Variants in ASIC2 observed in about 807,000 individuals in gnomAD.
The protein encoded by ASIC2 is acid sensing ion channel subunit 2, also known as acid-sensing ion channel 2.
ASIC2 carries 25 observed loss-of-function variants against 57.3 expected under a neutral mutation model. The ratio of observed to expected loss-of-function variants is 0.44; its 90% CI spans 0.32 to 0.61. The LOEUF is 0.61. Among genes scored for constraint, ASIC2 ranks in the 20% least tolerant of loss-of-function variants. The pLI is 0.06. For missense variants in ASIC2, 641 were observed against 738.1 expected (o/e 0.87, Z 1.52); for synonymous variants, 319 against 307.5 (o/e 1.04, Z -0.39).
chr17:33,575,025 G>T (rs1294926883), intron 1 of ASIC2, among the ~76,000 whole-genome samples: 3 of 152,120 alleles, frequency 2.0e-5, no homozygotes, highest in African/African-American at 7.2e-5. Flanking sequence ...CACCAGGAGT[G>T]GGGAGGTCTG....
chr17:34,066,281 G>A (rs1182412743), intron 1 of ASIC2, among the ~76,000 whole-genome samples: 3 of 152,318 alleles, frequency 2.0e-5, no homozygotes, highest in Non-Finnish European at 4.4e-5. Flanking sequence ...GGTTAATTAA[G>A]TCGTTCATCT....
chr17:33,867,638 G>T (rs1214555691), intron 1 of ASIC2, among the ~76,000 whole-genome samples: 1 of 152,200 alleles, frequency 6.6e-6, no homozygotes, highest in Non-Finnish European at 1.5e-5. Flanking sequence ...TCTCCTTCAG[G>T]GGGCTGAGGT....
chr17:33,273,496 T>C (rs1369148479), intron 1 of ASIC2, among the ~76,000 whole-genome samples: 1 of 152,138 alleles, frequency 6.6e-6, no homozygotes, highest in African/African-American at 2.4e-5. Context: ...GGCTTGTTTA[T>C]TGTCCCTCTG....
At chr17:34,134,237 A>C (rs1440497558) in intron 1 of ASIC2, among the ~76,000 whole-genome samples, 1 of 152,124 alleles carries the variant, frequency 6.6e-6, no homozygotes, top group Non-Finnish European at 1.5e-5. Flanking sequence ...CAATGATTTA[A>C]TTGCATTTGA....
intron 1 of ASIC2, among the ~76,000 whole-genome samples, chr17:33,441,125 T>G (rs922745974): frequency 1.3e-5 from 2 of 152,064 alleles, no homozygotes; most frequent in African/African-American, 4.8e-5. Flanking sequence ...TGTGCTACCA[T>G]GCCTGGCTAA....
intron 1 of ASIC2, among the ~76,000 whole-genome samples, chr17:34,131,213 G>A (rs889212492): frequency 2.0e-5 from 3 of 152,192 alleles, no homozygotes; most frequent in Non-Finnish European, 4.4e-5. Flanking sequence ...CAAGACAATA[G>A]AGAGCCATTG....
intron 1 of ASIC2, among the ~76,000 whole-genome samples, chr17:33,504,679 C>T (rs555072867): frequency 5.3e-5 from 8 of 152,090 alleles, no homozygotes; most frequent in South Asian, 2.1e-4. Context: ...TACTTGTTGC[C>T]GCATACTCCT....
intron 1 of ASIC2, among the ~76,000 whole-genome samples, chr17:33,386,688 T>A (rs1014452243): frequency 6.6e-6 from 1 of 152,196 alleles, no homozygotes; most frequent in Non-Finnish European, 1.5e-5. Context: ...CTATGGTTTT[T>A]AACCTAAGAG....
At chr17:33,949,671 T>C (rs1904497146) in intron 1 of ASIC2, among the ~76,000 whole-genome samples, 2 of 152,140 alleles carry the variant, frequency 1.3e-5, no homozygotes, top group South Asian at 4.2e-4. Context: ...GCCAGACTAA[T>C]TGGACAGATA....
At chr17:33,625,907 A>G (rs747661953) in intron 1 of ASIC2, among the ~76,000 whole-genome samples, 2 of 152,208 alleles carry the variant, frequency 1.3e-5, no homozygotes, top group Non-Finnish European at 2.9e-5. Flanking sequence ...TCTGAATGTC[A>G]AGGTCCTTGT....
intron 1 of ASIC2, among the ~76,000 whole-genome samples, chr17:33,771,659 A>G (rs553865306): frequency 6.6e-6 from 1 of 152,292 alleles, no homozygotes; most frequent in East Asian, 1.9e-4. Flanking sequence ...AAAACCCAGC[A>G]AAAGTTCTTG....
At chr17:34,139,364 T>A (rs965294371) in intron 1 of ASIC2, among the ~76,000 whole-genome samples, 6 of 152,204 alleles carry the variant, frequency 3.9e-5, no homozygotes, top group African/African-American at 1.4e-4. Flanking sequence ...AACAGATAGA[T>A]TCATATGTGG....
chr17:33,023,674 CTG>C (rs1404501488), intron 6 of ASIC2, among the ~76,000 whole-genome samples, 185 bp downstream of exon 6: 5 of 152,116 alleles, frequency 3.3e-5, no homozygotes, highest in Admixed American at 3.3e-4. Flanking sequence ...AGGGCAGGGG[CTG>C]TGTCTTACTC....
At chr17:33,897,834 T>C (rs549143183) in intron 1 of ASIC2, among the ~76,000 whole-genome samples, 9 of 152,292 alleles carry the variant, frequency 5.9e-5, no homozygotes, top group Non-Finnish European at 1.3e-4. Flanking sequence ...TGAATGATTA[T>C]TGCAACTGTG....
chr17:33,635,653 AG>A (rs555509367), intron 1 of ASIC2, among the ~76,000 whole-genome samples: 64 of 152,338 alleles, frequency 4.2e-4, no homozygotes, highest in African/African-American at 1.5e-3. Flanking sequence ...ATGAGGAGGC[AG>A]GTGAATTTAT....
chr17:33,899,938 G>A (rs528433564), intron 1 of ASIC2, among the ~76,000 whole-genome samples: 1 of 152,214 alleles, frequency 6.6e-6, no homozygotes, highest in African/African-American at 2.4e-5. Context: ...AAGCAGCCCT[G>A]ATAGGTGATT....
intron 1 of ASIC2, among the ~76,000 whole-genome samples, chr17:33,418,028 ATG>A (rs1161141315): frequency 0.044 from 2,993 of 67,752 alleles, 67 homozygotes; most frequent in East Asian, 0.12. Flanking sequence ...GCATGTATGT[ATG>A]TGTGTGTGTG....
chr17:33,571,220 C>A (rs577175185), intron 1 of ASIC2, among the ~76,000 whole-genome samples: 3 of 152,304 alleles, frequency 2.0e-5, no homozygotes, highest in Admixed American at 2.0e-4. Context: ...CATCTCGACT[C>A]TCCTATACAC....
At chr17:34,006,257 C>T (rs1282151096) in intron 1 of ASIC2, 1 of 152,240 alleles carries the variant, frequency 6.6e-6, no homozygotes, top group Non-Finnish European at 1.5e-5. Context: ...GGAGAGCTTT[C>T]CAGGAGGAAG....
Sources: gnomAD v4.1 joint callset for allele counts (sites outside exome capture counted in the v4.1 genomes callset) on GRCh38, gnomAD v4.1.1 for gene constraint, MANE v1.5 for transcripts, NCBI Gene and HGNC (gene_info 2026-07-23, HGNC 2026-07-21) for gene names.